ZNF433: variants seen among roughly 807,000 people sequenced by gnomAD.
ZNF433 encodes the protein zinc finger protein 433.
ZNF433 carries 12 observed loss-of-function variants against 10.6 expected under a neutral mutation model. That is an observed-to-expected ratio of 1.13 (90% CI 0.72 to 1.83). The LOEUF is 1.83. Ranked by LOEUF, ZNF433 falls within the 40% of genes most tolerant of loss-of-function variation. The pLI, the probability that ZNF433 is intolerant of heterozygous loss-of-function variation, is 0.00. For synonymous variants in ZNF433, 272 were observed against 271.3 expected, an observed-to-expected ratio of 1.00 and a Z score of -0.02; for missense variants, 737 against 798.0, an observed-to-expected ratio of 0.92 and a Z score of 0.92.
intron 1 of ZNF433, among the ~76,000 whole-genome samples, chr19:12,019,963 A>G (rs1974404050): frequency 6.6e-6 from 1 of 152,194 alleles, no homozygotes; most frequent in Non-Finnish European, 1.5e-5. Context: ...AAAAAAACTA[A>G]TTGATATTGA....
intron 1 of ZNF433, among the ~76,000 whole-genome samples, chr19:12,032,277 T>C (rs955626814): frequency 6.6e-6 from 1 of 152,102 alleles, no homozygotes; most frequent in Non-Finnish European, 1.5e-5. Flanking sequence ...TTCACCAATC[T>C]ACCATACTTT....
chr19:12,027,066 T>C (rs1003868280), intron 1 of ZNF433: 6 of 447,488 alleles, frequency 1.3e-5, no homozygotes, highest in Non-Finnish European at 2.7e-5. Context: ...AACTTGGATA[T>C]TGCAAAATTA....
At position 12,017,911 on chromosome 19, in the gene ZNF433, T is replaced by G. The variant is rs77897724; in HGVS notation, c.156A>C (p.Ile52=). 1 of 1,594,430 alleles carries G rather than the reference T, an allele frequency of 6.3e-7. No individual in the cohort carries two copies. Among genetic ancestry groups the G allele is most frequent in the Non-Finnish European group, 8.5e-7 (1 of 1,174,518 alleles). ...TCCTTAGATTTTCGTACTCTACATA[T>G]ATGTTCTGGGGTTTCCATTTTTTCC... ...SIGKKWKPQN[I]YVEYENLRRN... The change falls in exon 3 of 4, where the codon ATA becomes ATC. Residue 52 remains isoleucine (I), a synonymous_variant. Transcript: ENST00000550507.
At chr19:12,017,022 ATGAGCCACT>A (rs2085900248) in intron 3 of ZNF433, among the ~76,000 whole-genome samples, 2 of 151,722 alleles carry the variant, frequency 1.3e-5, no homozygotes, top group East Asian at 3.9e-4. Flanking sequence ...GATTACAGGC[ATGAGCCACT>A]GTGCCTGGCC....
intron 1 of ZNF433, among the ~76,000 whole-genome samples, chr19:12,035,089 A>G (rs536319275): frequency 1.3e-5 from 2 of 152,184 alleles, no homozygotes; most frequent in Non-Finnish European, 2.9e-5. Flanking sequence ...TTATTAATAT[A>G]TTTTTTAAAA....
At chr19:12,022,525 T>G (rs953044563) in intron 1 of ZNF433, among the ~76,000 whole-genome samples, 1 of 152,108 alleles carries the variant, frequency 6.6e-6, no homozygotes, top group Admixed American at 6.5e-5. Flanking sequence ...GGTGTACATG[T>G]GTGGGTCTTG....
intron 3 of ZNF433, among the ~76,000 whole-genome samples, chr19:12,017,577 C>G (rs1360603646): frequency 6.7e-6 from 1 of 149,736 alleles, no homozygotes; most frequent in Non-Finnish European, 1.5e-5. Context: ...TTTTTTGGGT[C>G]AGGGTCTCAC....
chr19:12,030,041 C>CA, intron 1 of ZNF433: 1 of 292,164 alleles, frequency 3.4e-6, no homozygotes, highest in Non-Finnish European at 6.4e-6. Context: ...GAGATCGCAC[C>CA]ACTGCACTCC....
intron 1 of ZNF433, chr19:12,030,196 G>C (rs1243778307): frequency 4.5e-6 from 2 of 442,622 alleles, no homozygotes; most frequent in African/African-American, 2.1e-5. Context: ...CAGGCTTCCA[G>C]AACTGTCAGA....
chr19:12,017,274 C>T (rs1974255803), intron 3 of ZNF433, among the ~76,000 whole-genome samples: 1 of 152,084 alleles, frequency 6.6e-6, no homozygotes, highest in Non-Finnish European at 1.5e-5. Context: ...GCAAACTTGG[C>T]TCACTGCAAC....
At chr19:12,031,880 TAA>T (rs552876271) in intron 1 of ZNF433, among the ~76,000 whole-genome samples, 8 of 123,392 alleles carry the variant, frequency 6.5e-5, no homozygotes, top group African/African-American at 8.8e-5. Flanking sequence ...CAAGACCCTT[TAA>T]AAAAAAAAAA....
Position 12,016,498 on chromosome 19 carries a change from G to A in ZNF433, c.360C>T (p.Ile120=), listed in dbSNP as rs769133572. ...GSAHSSLNRH[I]RDDTGHKAYE... ...ATGCCTTGTGTCCAGTGTCATCTCT[G>A]ATGTGCCTATTAAGAGATGAATGAG... The change falls in exon 4 of 4, where the codon ATC becomes ATT. Residue 120 remains isoleucine, a synonymous_variant. Coordinates refer to ENST00000550507, the MANE Select transcript of ZNF433 (RefSeq NM_001308348.2). The A allele has an allele frequency of 1.9e-6, 3 of 1,613,934 alleles. No homozygotes were observed. The African/African-American group carries it at 4.0e-5, about 22-fold the overall frequency.
Position 12,015,606 on chromosome 19 carries a change from G to A in ZNF433, c.1252C>T (p.Pro418Ser), listed in dbSNP as rs1165243440. The A allele has an allele frequency of 1.9e-6, 3 of 1,613,720 alleles. No homozygotes were observed. Among genetic ancestry groups the A allele is most frequent in the Non-Finnish European group, 1.7e-6 (2 of 1,179,984 alleles). ...TTCCCACATTGCTTACACTCGTAAG[G>A]TTTCTCTCCAGTGTGAGTTCTTTCA... ...YHERTHTGEK[P>S]YECKQCGKAF... The change falls in exon 4 of 4, where the codon CCT becomes TCT. Residue 418 changes from proline to serine, a missense_variant. Physicochemically the swap from Pro to Ser is moderately conservative, Grantham distance 74. Transcript: ENST00000550507.
intron 1 of ZNF433, chr19:12,022,071 T>A (rs1042710538): frequency 6.7e-6 from 3 of 450,510 alleles, no homozygotes; most frequent in African/African-American, 6.0e-5. Flanking sequence ...ACAAAATCTC[T>A]GCAGCACTGT....
rs1175208367 is a variant in ZNF433, at chr19:12,031,316, C to CA, written c.3+4220dup. On this transcript the variant is annotated intron_variant, in intron 1 of 3. Coordinates refer to ENST00000550507, the MANE Select transcript of ZNF433 (RefSeq NM_001308348.2). Reference sequence around the variant, plus strand: ...TCTCAAAAAAAAAAAAAAAACAAAACAAAAAAAAAAACAAAGCAGCTGACC... The same window carrying CA: ...TCTCAAAAAAAAAAAAAAAACAAAACAAAAAAAAAAAACAAAGCAGCTGACC... Among the ~76,000 whole-genome samples the CA allele has an allele frequency of 1.2e-3, 123 of 102,432 alleles. 1 individual carries two copies. Among genetic ancestry groups the CA allele is most frequent in the Middle Eastern group, 5.5e-3 (1 of 182 alleles). The allele number at this position is 102,432 out of a possible 152,430, so 67.2% of individuals were successfully genotyped here. A position where few individuals can be genotyped will look rare whatever the true frequency, so the allele number is the denominator to read the frequency against.
chr19:12,035,391 G>A (rs1975241736), intron 1 of ZNF433, 146 bp downstream of exon 1: 1 of 1,180,776 alleles, frequency 8.5e-7, no homozygotes, highest in African/African-American at 1.6e-5. Flanking sequence ...GTGGGGCCAA[G>A]GGGACCAAGG....
chr19:12,027,061 G>T (rs1442756036), intron 1 of ZNF433: 3 of 448,076 alleles, frequency 6.7e-6, no homozygotes, highest in Non-Finnish European at 1.3e-5. Context: ...CTAGAAACTT[G>T]GATATTGCAA....
At chr19:12,029,738 T>C (rs1427830584) in intron 1 of ZNF433, among the ~76,000 whole-genome samples, 1 of 151,852 alleles carries the variant, frequency 6.6e-6, no homozygotes, top group Non-Finnish European at 1.5e-5. Flanking sequence ...AGTACTCTTA[T>C]GAGACACAGG....
chr19:12,023,438 T>G (rs959587132), intron 1 of ZNF433: 1 of 152,188 alleles, frequency 6.6e-6, no homozygotes, highest in African/African-American at 2.4e-5. Context: ...CTCCTGATTG[T>G]GCCATATGTG....
Sources: allele counts gnomAD v4.1 joint callset (sites outside exome capture counted in the v4.1 genomes callset), GRCh38; gene constraint gnomAD v4.1.1; transcripts MANE v1.5; gene names NCBI Gene and HGNC (gene_info 2026-07-23, HGNC 2026-07-21).